Variants in FCHO2 observed in about 807,000 individuals in gnomAD.
The protein encoded by FCHO2 is FCH and mu domain containing endocytic adaptor 2.
FCHO2 carries 43 observed loss-of-function variants against 114.1 expected under a neutral mutation model. The ratio of observed to expected loss-of-function variants is 0.38; its 90% confidence interval spans 0.30 to 0.49. The LOEUF (loss-of-function observed/expected upper bound fraction) is 0.49, where lower values mean the gene tolerates loss of function less well. Ranked by LOEUF, FCHO2 falls within the 20% of genes least tolerant of loss-of-function variation. FCHO2 has a pLI of 0.97. For missense variants in FCHO2, 807 were observed against 950.4 expected (o/e 0.85, Z 1.98); for synonymous variants, 293 against 315.2 (o/e 0.93, Z 0.75).
chr5:73,025,374 A>AG, intron 8 of FCHO2, among the ~76,000 whole-genome samples: 1 of 122,936 alleles, frequency 8.1e-6, no homozygotes, highest in Non-Finnish European at 1.7e-5. Context: ...ACACCCAGCT[A>AG]ATTTTTTTTT....
At position 72,990,826 on chromosome 5, in the gene FCHO2, T is replaced by C; in HGVS notation, c.457T>C (p.Leu153=). Residue 153 remains leucine (L), a synonymous_variant, in exon 5 of 26, where the codon TTG becomes CTG. Transcript: ENST00000430046. The part of the protein sequence containing the change: ...YNAKCVEQER[L]KKEGATQREI... ...TGCCAAGTGTGTAGAACAGGAGCGT[T>C]TGAAAAAGGAAGGAGCTACACAAAG... The C allele has an allele frequency of 6.4e-7, 1 of 1,550,524 alleles. No homozygotes were observed.
At chr5:72,998,775 A>T (rs1358060389) in intron 5 of FCHO2, among the ~76,000 whole-genome samples, 1 of 151,492 alleles carries the variant, frequency 6.6e-6, no homozygotes, top group East Asian at 1.9e-4. Flanking sequence ...GAGTCTTTTC[A>T]TGTAAACCAA....
At chr5:73,021,047 A>G in intron 8 of FCHO2, 1 of 1,029,248 alleles carries the variant, frequency 9.7e-7, no homozygotes, top group South Asian at 1.3e-5. Flanking sequence ...AATCCATGGA[A>G]GTTTACCTGG....
At chr5:73,076,794 T>C (rs1742927725) in intron 20 of FCHO2, among the ~76,000 whole-genome samples, 1 of 152,024 alleles carries the variant, frequency 6.6e-6, no homozygotes, top group Non-Finnish European at 1.5e-5. Flanking sequence ...AAGGGGAAGC[T>C]AGGAAAAGAC....
chr5:72,963,232 TTAG>T (rs1264995507), intron 1 of FCHO2, among the ~76,000 whole-genome samples: 7 of 152,110 alleles, frequency 4.6e-5, no homozygotes, highest in Admixed American at 1.3e-4. Flanking sequence ...GTAAAGCAAA[TTAG>T]TGGTGGTGGT....
intron 8 of FCHO2, among the ~76,000 whole-genome samples, chr5:73,024,371 T>C (rs1475473219): frequency 1.3e-5 from 2 of 151,170 alleles, no homozygotes; most frequent in East Asian, 4.0e-4. Flanking sequence ...TCATGTTTAT[T>C]TTCTTGTCTG....
At chr5:72,961,541 T>A (rs2548330) in intron 1 of FCHO2, among the ~76,000 whole-genome samples, 8,898 of 152,158 alleles carry the variant, frequency 0.058, 324 homozygotes, top group Non-Finnish European at 0.084. Flanking sequence ...GGAGTAAATC[T>A]TCTTTTTCTC....
intron 6 of FCHO2, among the ~76,000 whole-genome samples, chr5:73,014,035 C>T (rs1264784073): frequency 6.6e-6 from 1 of 152,006 alleles, no homozygotes; most frequent in Non-Finnish European, 1.5e-5. Flanking sequence ...CAGTGGTTTC[C>T]TCTCTGGGGA....
Position 73,089,804 on chromosome 5 carries a change from A to T in FCHO2, c.*1714A>T, listed in dbSNP as rs1394850779. 1 of 152,560 alleles carries T rather than the reference A, an allele frequency of 6.6e-6. No individual in the cohort carries two copies. Among genetic ancestry groups the T allele is most frequent in the African/African-American group, 2.4e-5 (1 of 41,450 alleles). The allele number at this position is 152,560 out of a possible 1,614,324, so 9.5% of individuals were successfully genotyped here. Reference sequence around the variant, plus strand: ...CAGAAAATCTACTCTTTAGCAATATATAACACAGTATATGCTTTTTTATAT... The same window carrying T: ...CAGAAAATCTACTCTTTAGCAATATTTAACACAGTATATGCTTTTTTATAT... On this transcript the variant is annotated 3_prime_UTR_variant, in exon 26 of 26. Coordinates refer to ENST00000430046, the MANE Select transcript of FCHO2 (RefSeq NM_138782.3).
intron 5 of FCHO2, chr5:72,997,244 C>A (rs1754168108): frequency 8.7e-7 from 1 of 1,149,828 alleles, no homozygotes; most frequent in Non-Finnish European, 1.3e-6. Flanking sequence ...ACATTAGAGG[C>A]CCCATGTGGA....
chr5:73,011,595 CA>C (rs891055530), intron 6 of FCHO2, among the ~76,000 whole-genome samples: 1 of 152,090 alleles, frequency 6.6e-6, no homozygotes, highest in Non-Finnish European at 1.5e-5. Flanking sequence ...GGAAGGTCTT[CA>C]GGGGCAGTAG....
intron 2 of FCHO2, among the ~76,000 whole-genome samples, chr5:72,982,549 A>G (rs532019149): frequency 6.6e-6 from 1 of 152,212 alleles, no homozygotes; most frequent in South Asian, 2.1e-4. Context: ...TATTTATTTT[A>G]TGGATTTTGG....
At chr5:73,000,278 G>C (rs1157074514) in intron 5 of FCHO2, among the ~76,000 whole-genome samples, 1 of 152,112 alleles carries the variant, frequency 6.6e-6, no homozygotes, top group Non-Finnish European at 1.5e-5. Flanking sequence ...TTTGAGACCA[G>C]CCTGGCCAAC....
At chr5:73,010,875 CAAAA>C (rs57820498) in intron 6 of FCHO2, among the ~76,000 whole-genome samples, 2 of 25,732 alleles carry the variant, frequency 7.8e-5, no homozygotes, top group East Asian at 1.4e-3. Flanking sequence ...GACTCTGTCT[CAAAA>C]AAAAAAAAAA....
rs117395543 is a variant in FCHO2 at position 73,018,851 on chromosome 5, A to G, written c.796+1543A>G. Among the ~76,000 whole-genome samples, 98 of 152,134 alleles carry G rather than the reference A, an allele frequency of 6.4e-4. 1 individual carries two copies. In the East Asian group the frequency reaches 7.5e-3, roughly 12 times the overall value. On this transcript the variant is annotated intron_variant, in intron 8 of 25. Coordinates refer to ENST00000430046, the MANE Select transcript of FCHO2 (RefSeq NM_138782.3). Reference sequence around the variant, plus strand: ...CTTTGCAGTGGTATTTTTTTTAGCAATCCCCTTCCTAAATAATTATGTACA... The same window carrying G: ...CTTTGCAGTGGTATTTTTTTTAGCAGTCCCCTTCCTAAATAATTATGTACA...
At chr5:73,063,072 A>AT (rs200454468) in intron 17 of FCHO2, among the ~76,000 whole-genome samples, 3 of 151,590 alleles carry the variant, frequency 2.0e-5, no homozygotes, top group Admixed American at 1.3e-4. Context: ...ATTTACTTCC[A>AT]TTTTTTTTAC....
intron 6 of FCHO2, among the ~76,000 whole-genome samples, chr5:73,011,870 A>G (rs1755031696): frequency 6.6e-6 from 1 of 151,966 alleles, no homozygotes; most frequent in Non-Finnish European, 1.5e-5. Context: ...AGATTGCGCC[A>G]CTGCCCTCCA....
chr5:72,969,631 A>G (rs1005107042), intron 2 of FCHO2, among the ~76,000 whole-genome samples: 19 of 152,190 alleles, frequency 1.2e-4, no homozygotes, highest in African/African-American at 4.6e-4. Context: ...GGCAGATATT[A>G]TGCCTTTGAG....
chr5:73,012,925 T>C (rs16902534), intron 6 of FCHO2, among the ~76,000 whole-genome samples: 11,744 of 152,180 alleles, frequency 0.077, 715 homozygotes, highest in East Asian at 0.34. Context: ...TAAATAAAGA[T>C]CTGCCTTGTT....
Sources: gnomAD v4.1 joint callset for allele counts (sites outside exome capture counted in the v4.1 genomes callset) on GRCh38, gnomAD v4.1.1 for gene constraint, MANE v1.5 for transcripts, NCBI Gene and HGNC (gene_info 2026-07-23, HGNC 2026-07-21) for gene names.